The following ADAMTSL3 variants were observed in gnomAD, a reference collection of about 807,000 sequenced individuals.
The protein encoded by ADAMTSL3 is ADAMTS like 3.
ADAMTSL3 carries 128 observed loss-of-function variants against 201.7 expected under a neutral mutation model. The ratio of observed to expected loss-of-function variants is 0.63; its 90% CI spans 0.55 to 0.73. ADAMTSL3 has a LOEUF of 0.73. Among genes scored for constraint, ADAMTSL3 ranks in the 30% least tolerant of loss-of-function variants. The pLI is 0.00. For missense variants in ADAMTSL3, 1,990 were observed against 2,119.6 expected (o/e 0.94, Z 1.20); for synonymous variants, 738 against 748.4 (o/e 0.99, Z 0.23).
chr15:83,689,209 G>A (rs1028006359), intron 2 of ADAMTSL3, among the ~76,000 whole-genome samples: 5 of 152,146 alleles, frequency 3.3e-5, no homozygotes, highest in African/African-American at 1.2e-4. Context: ...AATTTGTGTA[G>A]TGCCCAACTG....
chr15:83,685,413 A>C (rs2061522743), intron 2 of ADAMTSL3, among the ~76,000 whole-genome samples: 1 of 152,186 alleles, frequency 6.6e-6, no homozygotes, highest in Non-Finnish European at 1.5e-5. Context: ...TGCCTGGGGC[A>C]GTGTGTGACA....
intron 20 of ADAMTSL3, among the ~76,000 whole-genome samples, chr15:83,974,679 A>G (rs1486127803): frequency 1.3e-5 from 2 of 152,236 alleles, no homozygotes; most frequent in African/African-American, 4.8e-5. Context: ...GTTCATTCTC[A>G]AAGTGCTGTT....
intron 3 of ADAMTSL3, among the ~76,000 whole-genome samples, chr15:83,739,027 C>CA (rs1395129924): frequency 6.6e-6 from 1 of 150,544 alleles, no homozygotes; most frequent in African/African-American, 2.4e-5. Flanking sequence ...AGAAACCAGA[C>CA]AAAAAATGTG....
chr15:83,664,011 C>G (rs1168334690), intron 2 of ADAMTSL3, among the ~76,000 whole-genome samples: 1 of 152,174 alleles, frequency 6.6e-6, no homozygotes, highest in Non-Finnish European at 1.5e-5. Flanking sequence ...TCCCGTCTGT[C>G]CCTCCACATG....
intron 23 of ADAMTSL3, among the ~76,000 whole-genome samples, chr15:84,005,762 C>A (rs983593797): frequency 2.0e-5 from 3 of 152,184 alleles, no homozygotes; most frequent in African/African-American, 7.2e-5. Flanking sequence ...TAGGGAAGGA[C>A]TTTTAATGAT....
chr15:83,812,183 C>G (rs1449958370), intron 5 of ADAMTSL3, among the ~76,000 whole-genome samples: 1 of 152,090 alleles, frequency 6.6e-6, no homozygotes. Flanking sequence ...ATTGGGGGCT[C>G]AAAATATCCA....
Position 84,038,150 on chromosome 15 carries a change from A to G in ADAMTSL3, c.*344A>G, listed in dbSNP as rs542107716. The stretch of plus-strand genomic sequence containing the variant: ...TTTCCTGTGATATGTAGACTAGCAC[A>G]GAGTGGTACATCCTAAAAACTTGGG... On this transcript the variant is annotated 3_prime_UTR_variant, in exon 30 of 30. Transcript: ENST00000286744. The G allele has an allele frequency of 1.4e-5, 3 of 208,440 alleles. No individual in the cohort carries two copies. The Admixed American group carries it at 1.7e-4, about 12-fold the overall frequency. The allele number at this position is 208,440 out of a possible 1,614,324, so 12.9% of individuals were successfully genotyped here. A position where few individuals can be genotyped will look rare whatever the true frequency, so the allele number is the denominator to read the frequency against.
chr15:83,696,588 G>A (rs531935728), intron 2 of ADAMTSL3, among the ~76,000 whole-genome samples: 17 of 152,296 alleles, frequency 1.1e-4, no homozygotes, highest in East Asian at 7.7e-4. Flanking sequence ...TTCTTGTGTC[G>A]TCTGTCAGTG....
intron 2 of ADAMTSL3, among the ~76,000 whole-genome samples, chr15:83,701,473 A>T (rs1442970091): frequency 3.3e-5 from 5 of 152,158 alleles, no homozygotes; most frequent in Non-Finnish European, 7.3e-5. Flanking sequence ...GATGCCAGGT[A>T]ATATGGTTTG....
chr15:83,791,873 AAAAG>A (rs1336240681), intron 4 of ADAMTSL3, among the ~76,000 whole-genome samples: 1 of 152,006 alleles, frequency 6.6e-6, no homozygotes, highest in Non-Finnish European at 1.5e-5. Flanking sequence ...AAAAAAAAGA[AAAAG>A]AAAAATCAAC....
intron 17 of ADAMTSL3, among the ~76,000 whole-genome samples, chr15:83,929,797 C>T (rs1212166370): frequency 1.3e-5 from 2 of 151,868 alleles, no homozygotes; most frequent in Non-Finnish European, 2.9e-5. Context: ...CACACACACA[C>T]ACACACTCAG....
chr15:83,818,751 GA>G (rs2063808487), intron 5 of ADAMTSL3, among the ~76,000 whole-genome samples: 2 of 152,138 alleles, frequency 1.3e-5, no homozygotes, highest in South Asian at 2.1e-4. Flanking sequence ...CTGGTGGGCG[GA>G]ATCAGTAATT....
intron 3 of ADAMTSL3, among the ~76,000 whole-genome samples, chr15:83,716,723 G>A (rs2062025401): frequency 6.6e-6 from 1 of 151,780 alleles, no homozygotes; most frequent in Non-Finnish European, 1.5e-5. Context: ...TAGTCCAAAG[G>A]CTTGTTTGTA....
chr15:84,003,322 A>G (rs1382909141), intron 23 of ADAMTSL3, among the ~76,000 whole-genome samples: 1 of 152,122 alleles, frequency 6.6e-6, no homozygotes, highest in Non-Finnish European at 1.5e-5. Flanking sequence ...TAACATTAAT[A>G]AAATGGCCCT....
chr15:83,939,437 T>C (rs1050572335), intron 17 of ADAMTSL3, among the ~76,000 whole-genome samples: 2 of 152,134 alleles, frequency 1.3e-5, no homozygotes, highest in Non-Finnish European at 2.9e-5. Flanking sequence ...AGTTGGTTTT[T>C]GTAGGAATTT....
At chr15:83,811,939 A>C (rs970694668) in intron 5 of ADAMTSL3, among the ~76,000 whole-genome samples, 2 of 152,174 alleles carry the variant, frequency 1.3e-5, no homozygotes, top group Non-Finnish European at 2.9e-5. Flanking sequence ...GTGCACGCCC[A>C]AGCTGTGTTG....
At chr15:83,958,746 C>A (rs1056554647) in intron 19 of ADAMTSL3, among the ~76,000 whole-genome samples, 1 of 151,834 alleles carries the variant, frequency 6.6e-6, no homozygotes, top group African/African-American at 2.4e-5. Flanking sequence ...AGAAACAAAT[C>A]AGAAATAGAA....
intron 25 of ADAMTSL3, among the ~76,000 whole-genome samples, chr15:84,020,954 C>T (rs1201059613): frequency 6.6e-6 from 1 of 152,216 alleles, no homozygotes; most frequent in East Asian, 1.9e-4. Context: ...AACCTTACTG[C>T]TTAATCCCTA....
chr15:84,039,718 T>C lies in ADAMTSL3; in HGVS notation c.*1912T>C, dbSNP rs2068572513. The stretch of plus-strand genomic sequence containing the variant: ...TTGTACTTTCATTGTTGTCATTCAA[T>C]TGACATTCCTGTGTACTGTATTTTA... On this transcript the variant is annotated 3_prime_UTR_variant, in exon 30 of 30. Transcript: ENST00000286744. 6.5e-6 allele frequency: 1 copy of C among 152,674 alleles called. No homozygotes were observed. Among genetic ancestry groups the C allele is most frequent in the South Asian group, 2.1e-4 (1 of 4,832 alleles). The allele number at this position is 152,674 out of a possible 1,614,324, so 9.5% of individuals were successfully genotyped here. A position where few individuals can be genotyped will look rare whatever the true frequency, so the allele number is the denominator to read the frequency against.
Sources: allele counts gnomAD v4.1 joint callset (sites outside exome capture counted in the v4.1 genomes callset), GRCh38; gene constraint gnomAD v4.1.1; transcripts MANE v1.5; gene names NCBI Gene and HGNC (gene_info 2026-07-23, HGNC 2026-07-21).